The following KRIT1 variants were observed in gnomAD, a reference collection of about 807,000 sequenced individuals.
The protein encoded by KRIT1 is KRIT1 ankyrin repeat containing.
KRIT1 carries 45 observed loss-of-function variants against 95.8 expected under a neutral mutation model. The ratio of observed to expected loss-of-function variants is 0.47; its 90% CI spans 0.37 to 0.60. The LOEUF (loss-of-function observed/expected upper bound fraction) is 0.60, where lower values mean the gene tolerates loss of function less well. KRIT1 is among the 20% of genes least tolerant of loss of function. KRIT1 has a pLI of 0.00. For missense variants in KRIT1, 788 were observed against 877.5 expected, an observed-to-expected ratio of 0.90 and a Z score of 1.29; for synonymous variants, 282 against 278.8, an observed-to-expected ratio of 1.01 and a Z score of -0.11.
intron 14 of KRIT1, among the ~76,000 whole-genome samples, chr7:92,221,270 C>T (rs59737178): frequency 0.17 from 25,649 of 151,884 alleles, 2,931 homozygotes; most frequent in East Asian, 0.38. Flanking sequence ...ACCCCGTCTC[C>T]GCTAAAAATA....
chr7:92,201,117 A>G (rs757852252), intron 18 of KRIT1, among the ~76,000 whole-genome samples, 190 bp downstream of exon 18: 6 of 152,220 alleles, frequency 3.9e-5, no homozygotes, highest in Non-Finnish European at 7.3e-5. Flanking sequence ...TAAAAGTGAA[A>G]TAAACTATTC....
chr7:92,222,780 G>T (rs765181011), intron 13 of KRIT1, 42 bp downstream of exon 13: 1 of 1,255,018 alleles, frequency 8.0e-7, no homozygotes, highest in Non-Finnish European at 1.2e-6. Context: ...CTCCCAAAAA[G>T]GAATAATGAG....
intron 12 of KRIT1, among the ~76,000 whole-genome samples, chr7:92,225,344 G>A (rs537595410): frequency 3.5e-4 from 54 of 152,178 alleles, no homozygotes; most frequent in African/African-American, 1.1e-3. Flanking sequence ...GTCTTGCTCC[G>A]TCGCCAAGGC....
Position 92,235,483 on chromosome 7 carries a change from T to A in KRIT1, c.649A>T (p.Ser217Cys), listed in dbSNP as rs377164418. 3.7e-5 allele frequency: 60 copies of A among 1,613,348 alleles called. No individual in the cohort carries two copies. Among genetic ancestry groups the A allele is most frequent in the Non-Finnish European group, 5.1e-5 (60 of 1,179,406 alleles). ...HMGYSALEIKSKMLALEKADT... is the reference protein window; with the variant it reads ...HMGYSALEIKCKMLALEKADT... ...GCTTTCTCTAGGGCTAACATTTTACTCTTTATTTCTAGTGCACTATAGCCC... is the reference window on the plus strand; with the variant it reads ...GCTTTCTCTAGGGCTAACATTTTACACTTTATTTCTAGTGCACTATAGCCC... The change falls in exon 8 of 19, where the codon AGT becomes TGT. Residue 217 changes from serine (S) to cysteine (C), a missense_variant. This residue lies in a region of KRIT1 where 289 missense variants were observed against 277.5 expected (regional missense o/e 1.04). Coordinates refer to ENST00000394505, the MANE Select transcript of KRIT1 (RefSeq NM_194454.3).
Position 92,213,997 on chromosome 7 carries a change from A to T in KRIT1, c.1731-18T>A. 1 of 1,429,028 alleles carries T rather than the reference A, an allele frequency of 7.0e-7. No individual in the cohort carries two copies. Among genetic ancestry groups the T allele is most frequent in the Non-Finnish European group, 9.9e-7 (1 of 1,011,492 alleles). The allele number at this position is 1,429,028 out of a possible 1,614,324, so 88.5% of individuals were successfully genotyped here. A position where few individuals can be genotyped will look rare whatever the true frequency, so the allele number is the denominator to read the frequency against. The stretch of plus-strand genomic sequence containing the variant: ...TTTCTTCACTGTAAGCACACATGCC[A>T]ACATCCTTTAAATAAATCATCTTTA... On this transcript the variant is annotated intron_variant, in intron 15 of 18. Transcript: ENST00000394505.
intron 11 of KRIT1, among the ~76,000 whole-genome samples, chr7:92,226,245 T>C (rs563236543): frequency 6.6e-6 from 1 of 152,260 alleles, no homozygotes; most frequent in East Asian, 1.9e-4. Flanking sequence ...ATAAATGTAC[T>C]TAATGCCACT....
chr7:92,235,720 C>G, intron 7 of KRIT1, 74 bp from the exon 8 acceptor site: 2 of 1,372,896 alleles, frequency 1.5e-6, no homozygotes, highest in Admixed American at 1.7e-5. Context: ...CTATCTAACT[C>G]TGATATATGA....
At position 92,235,616 on chromosome 7, in the gene KRIT1, G is replaced by C; in HGVS notation, c.516C>G (p.His172Gln). The C allele has an allele frequency of 6.2e-7, 1 of 1,613,832 alleles. No homozygotes were observed. Among genetic ancestry groups the C allele is most frequent in the Non-Finnish European group, 8.5e-7 (1 of 1,179,864 alleles). ...AAGGTCGGAATAAAGCTGGAATAAA[G>C]TGAGATTGTGCATGACGTTCATCTA... is the stretch of plus-strand genomic sequence containing the variant. ...KWLDERHAQS[H>Q]FIPALFRPSP... The change falls in exon 8 of 19, where the codon CAC becomes CAG. Residue 172 changes from histidine to glutamine, a missense_variant. Physicochemically the swap from His to Gln is conservative, Grantham distance 24. Around this residue, in one of 3 missense-constraint regions of KRIT1, gnomAD observed 289 missense variants for 277.5 expected, o/e 1.04. Transcript: ENST00000394505.
chr7:92,230,423 C>T (rs1163495989), intron 10 of KRIT1, among the ~76,000 whole-genome samples: 1 of 152,122 alleles, frequency 6.6e-6, no homozygotes, highest in Non-Finnish European at 1.5e-5. Flanking sequence ...TATGCTCTTT[C>T]AACTCCTATT....
chr7:92,231,671 T>C (rs1056657179), intron 10 of KRIT1, among the ~76,000 whole-genome samples: 1 of 152,190 alleles, frequency 6.6e-6, no homozygotes, highest in East Asian at 1.9e-4. Flanking sequence ...AAGATAAATT[T>C]AAGTTCTTTA....
intron 3 of KRIT1, among the ~76,000 whole-genome samples, chr7:92,243,127 A>C (rs1328160179): frequency 6.6e-6 from 1 of 152,140 alleles, no homozygotes; most frequent in Non-Finnish European, 1.5e-5. Flanking sequence ...TCAATAATCC[A>C]AATTTTTTAT....
chr7:92,200,433 C>A lies in KRIT1; in HGVS notation c.*303G>T. On this transcript the variant is annotated 3_prime_UTR_variant, in exon 19 of 19. Coordinates refer to ENST00000394505, the MANE Select transcript of KRIT1 (RefSeq NM_194454.3). ...GCCGTGGTGCAATCTTGGCTCACTA[C>A]AACCTCCACCTCCTGGGTTTAAGCG... is the stretch of plus-strand genomic sequence containing the variant. The A allele has an allele frequency of 2.8e-6, 1 of 359,772 alleles. No individual in the cohort carries two copies. Among genetic ancestry groups the A allele is most frequent in the Non-Finnish European group, 5.3e-6 (1 of 187,920 alleles). The allele number at this position is 359,772 out of a possible 1,614,324, so 22.3% of individuals were successfully genotyped here. A position where few individuals can be genotyped will look rare whatever the true frequency, so the allele number is the denominator to read the frequency against.
chr7:92,244,746 G>T (rs1585048408), intron 2 of KRIT1, among the ~76,000 whole-genome samples, 156 bp downstream of exon 2: 1 of 152,158 alleles, frequency 6.6e-6, no homozygotes, highest in South Asian at 2.1e-4. Flanking sequence ...CTGAGATGAG[G>T]GTTCAAGTGA....
chr7:92,221,926 T>C lies in KRIT1; in HGVS notation c.1539A>G (p.Arg513=). Residue 513 remains arginine (R), a synonymous_variant, in exon 14 of 19, where the codon AGA becomes AGG. Coordinates refer to ENST00000394505, the MANE Select transcript of KRIT1 (RefSeq NM_194454.3). ...TPQLFLRRDV[R]LPLEVEKQIE... The stretch of plus-strand genomic sequence containing the variant: ...CCTGTTTTTCAACTTCCAAGGGAAG[T>C]CTCACATCTCTTCTTAGAAAAAGCT... The C allele has an allele frequency of 2.5e-6, 4 of 1,613,846 alleles. No individual in the cohort carries two copies. The highest frequency in any genetic ancestry group is 3.4e-6 in the Non-Finnish European group (4 of 1,179,810).
intron 14 of KRIT1, among the ~76,000 whole-genome samples, chr7:92,220,688 C>CTTTTTTTTTTTTTTTTTTTTTTT (rs960417752): frequency 1.0e-5 from 1 of 98,958 alleles, no homozygotes; most frequent in Non-Finnish European, 1.9e-5. Context: ...ATTCATCCTT[C>CTTTTTTTTTTTTTTTTTTTTTTT]TTTTTTTTTT....
chr7:92,237,853 C>T (rs968319821), intron 5 of KRIT1, 94 bp from the exon 6 acceptor site: 3 of 723,014 alleles, frequency 4.1e-6, no homozygotes, highest in Non-Finnish European at 7.4e-6. Context: ...CTTTAAAAGG[C>T]AGCATTAAGA....
intron 13 of KRIT1, among the ~76,000 whole-genome samples, chr7:92,222,383 G>A (rs1447478180): frequency 6.6e-6 from 1 of 151,872 alleles, no homozygotes; most frequent in Non-Finnish European, 1.5e-5. Context: ...CAATCACATC[G>A]ATCAAATTCT....
At chr7:92,214,548 A>G in intron 15 of KRIT1, 63 bp downstream of exon 15, 4 of 1,235,698 alleles carry the variant, frequency 3.2e-6, no homozygotes, top group South Asian at 2.5e-5. Flanking sequence ...ACATTTTTAA[A>G]CTTTCTTGGT....
intron 10 of KRIT1, among the ~76,000 whole-genome samples, 198 bp downstream of exon 10, chr7:92,234,251 G>A (rs1797926636): frequency 6.6e-6 from 1 of 152,188 alleles, no homozygotes. Context: ...GACACTAACA[G>A]TACGTTCCCC....
Sources: allele counts gnomAD v4.1 joint callset (sites outside exome capture counted in the v4.1 genomes callset), GRCh38; gene constraint gnomAD v4.1.1; regional missense constraint gnomAD v4.1.1; transcripts MANE v1.5; gene names NCBI Gene and HGNC (gene_info 2026-07-23, HGNC 2026-07-21).